ANKS1B: variants seen among roughly 807,000 people sequenced by gnomAD.
The protein encoded by ANKS1B is ankyrin repeat and sterile alpha motif domain-containing protein 1B.
Under a neutral mutation model 148.3 loss-of-function variants are expected in ANKS1B, and 36 were observed. The ratio of observed to expected loss-of-function variants is 0.24; its 90% CI spans 0.19 to 0.32. The LOEUF is 0.32. ANKS1B is among the 10% of genes least tolerant of loss of function. The pLI, the probability that ANKS1B is intolerant of heterozygous loss-of-function variation, is 1.00. For synonymous variants in ANKS1B, 542 were observed against 560.8 expected (o/e 0.97, Z 0.47); for missense variants, 1,157 against 1,542.6 (o/e 0.75, Z 4.19).
At chr12:99,366,890 G>T (rs1379535279) in intron 12 of ANKS1B, among the ~76,000 whole-genome samples, 1 of 152,086 alleles carries the variant, frequency 6.6e-6, no homozygotes, top group Admixed American at 6.6e-5. Flanking sequence ...AACAAAATCA[G>T]AGGACAAATC....
chr12:98,768,415 G>C (rs1035051464), intron 25 of ANKS1B, among the ~76,000 whole-genome samples: 1 of 143,934 alleles, frequency 6.9e-6, no homozygotes, highest in African/African-American at 2.6e-5. Flanking sequence ...CCACCCCTGT[G>C]GGGTGCTCTC....
intron 9 of ANKS1B, among the ~76,000 whole-genome samples, chr12:99,520,737 G>C (rs752899084): frequency 6.6e-6 from 1 of 151,952 alleles, no homozygotes; most frequent in African/African-American, 2.4e-5. Context: ...CTGTAGTTGC[G>C]CTTTATTGTT....
At chr12:98,896,478 A>G (rs2099764787) in intron 17 of ANKS1B, among the ~76,000 whole-genome samples, 1 of 152,178 alleles carries the variant, frequency 6.6e-6, no homozygotes, top group South Asian at 2.1e-4. Flanking sequence ...GTAGTTTTGG[A>G]AGAACATTCT....
chr12:99,529,978 T>C (rs946184846), intron 9 of ANKS1B, among the ~76,000 whole-genome samples: 3 of 152,222 alleles, frequency 2.0e-5, no homozygotes, highest in East Asian at 1.9e-4. Context: ...CTCTAAATTA[T>C]AGATAAGAGT....
intron 1 of ANKS1B, among the ~76,000 whole-genome samples, chr12:99,951,439 A>T (rs959231006): frequency 2.0e-5 from 3 of 152,232 alleles, no homozygotes; most frequent in Non-Finnish European, 4.4e-5. Flanking sequence ...ACATAAAACA[A>T]TAGCCATTCA....
At chr12:98,842,914 A>C (rs1406226837) in intron 17 of ANKS1B, among the ~76,000 whole-genome samples, 1 of 152,210 alleles carries the variant, frequency 6.6e-6, no homozygotes, top group African/African-American at 2.4e-5. Flanking sequence ...TATATTTTTG[A>C]GGGTCTTAAT....
At chr12:99,076,774 T>C (rs2047995027) in intron 16 of ANKS1B, among the ~76,000 whole-genome samples, 1 of 152,172 alleles carries the variant, frequency 6.6e-6, no homozygotes, top group South Asian at 2.1e-4. Context: ...TGGATATTTA[T>C]TGATAAGTTA....
chr12:99,778,568 G>A (rs2063927736), intron 6 of ANKS1B, among the ~76,000 whole-genome samples: 1 of 150,870 alleles, frequency 6.6e-6, no homozygotes, highest in South Asian at 2.1e-4. Context: ...AATACAAAGT[G>A]CATAGAGGGA....
At chr12:99,318,351 T>C (rs565014608) in intron 12 of ANKS1B, among the ~76,000 whole-genome samples, 4 of 152,324 alleles carry the variant, frequency 2.6e-5, no homozygotes, top group Admixed American at 2.0e-4. Context: ...AAGCCTGTAA[T>C]TGGTCTATTC....
chr12:99,500,031 G>A (rs1447503231), intron 10 of ANKS1B, among the ~76,000 whole-genome samples: 1 of 152,076 alleles, frequency 6.6e-6, no homozygotes, highest in South Asian at 2.1e-4. Context: ...TATAAGAAAG[G>A]TGTTGATGAA....
chr12:99,360,806 A>G (rs1013347087), intron 12 of ANKS1B, among the ~76,000 whole-genome samples: 30 of 152,138 alleles, frequency 2.0e-4, no homozygotes, highest in African/African-American at 7.0e-4. Context: ...TAAGCCATTA[A>G]GATTTTGCGG....
chr12:99,081,650 A>G (rs1209717068), intron 16 of ANKS1B, among the ~76,000 whole-genome samples: 5 of 152,178 alleles, frequency 3.3e-5, no homozygotes, highest in Non-Finnish European at 5.9e-5. Flanking sequence ...CAGCCTCTCT[A>G]TAGAAGCTTA....
intron 11 of ANKS1B, 71 bp from the exon 12 acceptor site, chr12:99,399,882 T>G: frequency 6.8e-7 from 1 of 1,473,532 alleles, no homozygotes; most frequent in Non-Finnish European, 9.4e-7. Context: ...CCCCATCAAT[T>G]TAATCTAAGT....
rs141955088 is a variant in ANKS1B, at chr12:99,859,750, G to A, written c.135-34361C>T. ...CAACCTCTGCCTCCCAGGTTCAAGC[G>A]ATTCTCCTGCCTCAGCCTCCTGAGT... On this transcript the variant is annotated intron_variant, in intron 1 of 26. Coordinates refer to ENST00000683438, the MANE Select transcript of ANKS1B (RefSeq NM_001352186.2). Among the ~76,000 whole-genome samples the A allele has an allele frequency of 9.0e-3, 1,359 of 151,736 alleles. 17 individuals are homozygous for A. Among genetic ancestry groups the A allele is most frequent in the African/African-American group, 0.031 (1,270 of 41,394 alleles).
chr12:99,443,957 T>C, intron 10 of ANKS1B, 148 bp from the exon 11 acceptor site: 1 of 920,514 alleles, frequency 1.1e-6, no homozygotes, highest in East Asian at 2.6e-5. Flanking sequence ...CTCAGTAGTA[T>C]ATTTTAAAGA....
rs143767245 is a variant in ANKS1B at position 99,056,996 on chromosome 12, C to T, written c.2626-3687G>A. ...TCAGTTAAGGGCAACTATTACTCCA[C>T]TGCCCAAGCAGAAGCTTGGGAGTTA... is the stretch of plus-strand genomic sequence containing the variant. On this transcript the variant is annotated intron_variant, in intron 16 of 26. Transcript: ENST00000683438. 6.5e-3 allele frequency among the ~76,000 whole-genome samples: 997 copies of T among 152,286 alleles called. 8 individuals are homozygous for T. Among genetic ancestry groups the T allele is most frequent in the African/African-American group, 0.023 (940 of 41,556 alleles).
intron 10 of ANKS1B, among the ~76,000 whole-genome samples, chr12:99,487,616 G>T (rs185641917): frequency 1.8e-3 from 127 of 72,418 alleles, no homozygotes; most frequent in African/African-American, 5.2e-3. Context: ...CATTCAATAT[G>T]GGGGGGGGAC....
intron 1 of ANKS1B, among the ~76,000 whole-genome samples, chr12:99,908,529 C>T (rs2093878126): frequency 6.6e-6 from 1 of 152,086 alleles, no homozygotes; most frequent in South Asian, 2.1e-4. Flanking sequence ...TGAAGTGAAC[C>T]ATGATCACGC....
intron 17 of ANKS1B, among the ~76,000 whole-genome samples, chr12:98,948,726 T>TTCTCTC (rs144897567): frequency 9.7e-5 from 14 of 144,932 alleles, no homozygotes; most frequent in Admixed American, 3.5e-4. Context: ...TTATGCCAAT[T>TTCTCTC]TCTCTCTCTC....
Sources: gnomAD v4.1 joint callset for allele counts (sites outside exome capture counted in the v4.1 genomes callset) on GRCh38, gnomAD v4.1.1 for gene constraint, MANE v1.5 for transcripts, NCBI Gene and HGNC (gene_info 2026-07-23, HGNC 2026-07-21) for gene names.